PLA2G4A: variants seen among roughly 807,000 people sequenced by gnomAD.
PLA2G4A encodes phospholipase A2 group IVA, also known as cytosolic phospholipase A2.
PLA2G4A carries 40 observed loss-of-function variants against 81.9 expected under a neutral mutation model. That is an observed-to-expected ratio of 0.49 (90% CI 0.38 to 0.64). The LOEUF (loss-of-function observed/expected upper bound fraction) is 0.64. Ranked by LOEUF, PLA2G4A falls within the 30% of genes least tolerant of loss-of-function variation. PLA2G4A has a pLI of 0.00. For synonymous variants in PLA2G4A, 302 were observed against 296.9 expected, an observed-to-expected ratio of 1.02 and a Z score of -0.18; for missense variants, 715 against 905.1, an observed-to-expected ratio of 0.79 and a Z score of 2.69.
At chr1:186,864,584 C>A (rs1455897858) in intron 2 of PLA2G4A, among the ~76,000 whole-genome samples, 1 of 151,200 alleles carries the variant, frequency 6.6e-6, no homozygotes, top group East Asian at 1.9e-4. Flanking sequence ...TACTTGTTGG[C>A]CATTTGAGTG....
chr1:186,876,110 G>A (rs1407528534), intron 3 of PLA2G4A, among the ~76,000 whole-genome samples: 2 of 152,130 alleles, frequency 1.3e-5, no homozygotes, highest in East Asian at 1.9e-4. Context: ...GTGGAGATGT[G>A]TTGTCTAGGA....
At chr1:186,987,067 A>G (rs1657913365) in intron 17 of PLA2G4A, among the ~76,000 whole-genome samples, 1 of 152,242 alleles carries the variant, frequency 6.6e-6, no homozygotes, top group African/African-American at 2.4e-5. Flanking sequence ...CCAAAATCTG[A>G]CTGCGTTTTT....
At chr1:186,830,311 A>G (rs1349876791) in intron 1 of PLA2G4A, among the ~76,000 whole-genome samples, 1 of 152,178 alleles carries the variant, frequency 6.6e-6, no homozygotes, top group Non-Finnish European at 1.5e-5. Flanking sequence ...ATATTTTTAA[A>G]AAGTAAGTTA....
intron 3 of PLA2G4A, among the ~76,000 whole-genome samples, chr1:186,888,149 A>G (rs1395801397): frequency 6.6e-6 from 1 of 152,220 alleles, no homozygotes; most frequent in Non-Finnish European, 1.5e-5. Flanking sequence ...GTAAAATTAA[A>G]TAATGCAAAT....
At chr1:186,973,397 C>T (rs1657423653) in intron 15 of PLA2G4A, among the ~76,000 whole-genome samples, 1 of 152,044 alleles carries the variant, frequency 6.6e-6, no homozygotes, top group African/African-American at 2.4e-5. Flanking sequence ...GAATTTAGGG[C>T]CCACCTACGT....
intron 5 of PLA2G4A, among the ~76,000 whole-genome samples, chr1:186,905,027 G>A (rs1229170434): frequency 1.3e-5 from 2 of 152,082 alleles, no homozygotes; most frequent in Non-Finnish European, 2.9e-5. Flanking sequence ...GATAATTTTT[G>A]TATTTTTAGT....
chr1:186,964,578 T>G (rs1657069494), intron 14 of PLA2G4A, among the ~76,000 whole-genome samples: 1 of 152,072 alleles, frequency 6.6e-6, no homozygotes, highest in Admixed American at 6.5e-5. Flanking sequence ...GCCTGTTCCG[T>G]ATCATTATTC....
intron 5 of PLA2G4A, among the ~76,000 whole-genome samples, chr1:186,902,471 G>C (rs1654579346): frequency 6.6e-6 from 1 of 152,098 alleles, no homozygotes; most frequent in Non-Finnish European, 1.5e-5. Context: ...AAGCAGCCCT[G>C]AGAAACATCG....
At chr1:186,931,239 TACAC>T in intron 7 of PLA2G4A, among the ~76,000 whole-genome samples, 1 of 152,124 alleles carries the variant, frequency 6.6e-6, no homozygotes, top group Admixed American at 6.5e-5. Flanking sequence ...TACATAAAGA[TACAC>T]ACACATACAC....
At chr1:186,861,655 T>G (rs557374841) in intron 2 of PLA2G4A, among the ~76,000 whole-genome samples, 1 of 152,234 alleles carries the variant, frequency 6.6e-6, no homozygotes, top group African/African-American at 2.4e-5. Context: ...CATCCTATTT[T>G]ATAGGAGTTC....
At chr1:186,968,312 T>C (rs1657205373) in intron 15 of PLA2G4A, among the ~76,000 whole-genome samples, 1 of 152,056 alleles carries the variant, frequency 6.6e-6, no homozygotes, top group Admixed American at 6.6e-5. Context: ...TTGTAAAATG[T>C]ATGAACATTT....
rs528307968 is a variant in PLA2G4A at position 186,860,293 on chromosome 1, G to A, written c.33+5906G>A. Among the ~76,000 whole-genome samples the A allele has an allele frequency of 9.9e-5, 15 of 152,172 alleles. No homozygotes were observed. The East Asian group carries it at 2.3e-3, about 24-fold the overall frequency. On this transcript the variant is annotated intron_variant, in intron 2 of 17. Coordinates refer to ENST00000367466, the MANE Select transcript of PLA2G4A (RefSeq NM_024420.3). ...AATTATGGAGGCTGAGCAGTCCTAC[G>A]ATCTGCCATCTCAAGCTGGAAATGC... is the stretch of plus-strand genomic sequence containing the variant.
At chr1:186,986,377 T>A (rs1371498306) in intron 17 of PLA2G4A, among the ~76,000 whole-genome samples, 1 of 152,208 alleles carries the variant, frequency 6.6e-6, no homozygotes, top group Non-Finnish European at 1.5e-5. Flanking sequence ...ATTTGGACAC[T>A]TTTATGCAAT....
chr1:186,856,124 A>G (rs1178445592), intron 2 of PLA2G4A, among the ~76,000 whole-genome samples: 1 of 151,914 alleles, frequency 6.6e-6, no homozygotes, highest in East Asian at 1.9e-4. Context: ...AATTGCTGGG[A>G]TTTTGGTTGG....
chr1:186,936,053 G>T (rs1295805652), intron 8 of PLA2G4A, among the ~76,000 whole-genome samples: 1 of 151,872 alleles, frequency 6.6e-6, no homozygotes, highest in East Asian at 1.9e-4. Context: ...CTTTTACTCA[G>T]GATTAGTACA....
At chr1:186,950,790 T>C in intron 13 of PLA2G4A, 62 bp downstream of exon 13, 1 of 871,632 alleles carries the variant, frequency 1.1e-6, no homozygotes, top group South Asian at 1.3e-5. Context: ...ACACTCTGTC[T>C]GATTTTCTCA....
Position 186,895,497 on chromosome 1 carries a change from C to T in PLA2G4A, c.378+1286C>T, listed in dbSNP as rs183998746. ...ACATTTATTGAAGATCTGCTGTGTGCCAGCCATTGTGTTTTGTTCAAGGAA... is the reference window on the plus strand; with the variant it reads ...ACATTTATTGAAGATCTGCTGTGTGTCAGCCATTGTGTTTTGTTCAAGGAA... On this transcript the variant is annotated intron_variant, in intron 5 of 17. Coordinates refer to ENST00000367466, the MANE Select transcript of PLA2G4A (RefSeq NM_024420.3). Among the ~76,000 whole-genome samples, 25 of 152,302 alleles carry T rather than the reference C, an allele frequency of 1.6e-4. No individual in the cohort carries two copies. The East Asian group carries it at 4.4e-3, about 27-fold the overall frequency.
rs1283754043 is a variant in PLA2G4A, at chr1:186,892,996, G to A, written c.116-15G>A. ...ACATTTCTACCTCCTTCTTGTTTGT[G>A]TTTACTATCTGTAGTTGATACTCCA... On this transcript the variant is annotated splice_polypyrimidine_tract_variant and intron_variant, in intron 3 of 17. Transcript: ENST00000367466. 5 of 1,594,398 alleles carry A rather than the reference G, an allele frequency of 3.1e-6. No homozygotes were observed. The South Asian group carries it at 4.4e-5, about 14-fold the overall frequency.
At chr1:186,909,730 C>T (rs934782536) in intron 6 of PLA2G4A, among the ~76,000 whole-genome samples, 1 of 150,386 alleles carries the variant, frequency 6.6e-6, no homozygotes, top group Non-Finnish European at 1.5e-5. Flanking sequence ...TTTCCAAAAT[C>T]ATATTTAATA....
Sources: gnomAD v4.1 joint callset for allele counts (sites outside exome capture counted in the v4.1 genomes callset) on GRCh38, gnomAD v4.1.1 for gene constraint, MANE v1.5 for transcripts, NCBI Gene and HGNC (gene_info 2026-07-23, HGNC 2026-07-21) for gene names.